Variants in ASIC2 observed in about 807,000 individuals in gnomAD.
The protein encoded by ASIC2 is acid-sensing ion channel 2.
In ASIC2, 25 loss-of-function variants were observed where a neutral mutation model predicts 57.3. That is an observed-to-expected ratio of 0.44 (90% CI 0.32 to 0.61). ASIC2 has a LOEUF of 0.61. Ranked by LOEUF, ASIC2 falls within the 20% of genes least tolerant of loss-of-function variation. ASIC2 has a pLI of 0.06. For synonymous variants in ASIC2, 319 were observed against 307.5 expected, an observed-to-expected ratio of 1.04 and a Z score of -0.39; for missense variants, 641 against 738.1, an observed-to-expected ratio of 0.87 and a Z score of 1.52.
At chr17:33,995,426 G>C (rs1201976901) in intron 1 of ASIC2, among the ~76,000 whole-genome samples, 4 of 151,822 alleles carry the variant, frequency 2.6e-5, no homozygotes, top group African/African-American at 9.7e-5. Flanking sequence ...TCACTCTCTG[G>C]CATGTACCCT....
intron 2 of ASIC2, among the ~76,000 whole-genome samples, chr17:33,096,300 TCC>T (rs2092179294): frequency 1.3e-5 from 2 of 152,140 alleles, no homozygotes; most frequent in African/African-American, 4.8e-5. Flanking sequence ...TTTCCCTCAC[TCC>T]CTGGAGTTAT....
rs1246897533 is a variant in ASIC2, at chr17:33,170,304, C to A, written c.709-58237G>T. Among the ~76,000 whole-genome samples the A allele has an allele frequency of 1.7e-4, 26 of 152,290 alleles. No individual in the cohort carries two copies. In the South Asian group the frequency reaches 4.8e-3, roughly 28 times the overall value. On this transcript the variant is annotated intron_variant, in intron 1 of 9. Transcript: ENST00000225823. ...AGAAGTTTAGATATAAGAAAATCAT[C>A]AGTGATTACTTATATTACAAAAAGA...
chr17:33,134,766 T>C (rs1346394885), intron 1 of ASIC2, among the ~76,000 whole-genome samples: 2 of 152,148 alleles, frequency 1.3e-5, no homozygotes, highest in African/African-American at 4.8e-5. Flanking sequence ...CCATGGCTTG[T>C]GGTGTCAGGA....
Position 33,013,645 on chromosome 17 carries a change from A to C in ASIC2, c.*320T>G. ...CGTGGAGGAGTGTCATGTACAAGAC[A>C]GACGTGGAGGTGGCGCCACAAGAAG... On this transcript the variant is annotated 3_prime_UTR_variant, in exon 10 of 10. Coordinates refer to ENST00000225823, the MANE Select transcript of ASIC2 (RefSeq NM_183377.2). The C allele has an allele frequency of 2.8e-6, 1 of 360,294 alleles. No homozygotes were observed. 22.3% of individuals were successfully genotyped at this position (360,294 alleles called of 1,614,324 possible). A position where few individuals can be genotyped will look rare whatever the true frequency, so the allele number is the denominator to read the frequency against.
At position 33,292,599 on chromosome 17, in the gene ASIC2, C is replaced by T; in HGVS notation, c.-484G>A. ...CGGCCACCATGCCTGATCTGGACAT[C>T]CCCAGGGACCCCACCAGCCCGGCCC... is the stretch of plus-strand genomic sequence containing the variant. On this transcript the variant is annotated 5_prime_UTR_variant, in exon 1 of 10. Coordinates refer to ENST00000225823, the MANE Select transcript of ASIC2 (RefSeq NM_183377.2). 1.0e-6 allele frequency: 1 copy of T among 985,712 alleles called. No individual in the cohort carries two copies. The highest frequency in any genetic ancestry group is 1.2e-6 in the Non-Finnish European group (1 of 830,150). The allele number at this position is 985,712 out of a possible 1,614,324, so 61.1% of individuals were successfully genotyped here.
At position 33,456,283 on chromosome 17, in the gene ASIC2, C is replaced by T. The variant is rs577880469; in HGVS notation, c.556-344216G>A. ...GCTTCATTATTGTTCTGTTTCCTACCCCCTTTATTGTCTTCCTGGGGCTTA... is the reference window on the plus strand; with the variant it reads ...GCTTCATTATTGTTCTGTTTCCTACTCCCTTTATTGTCTTCCTGGGGCTTA... On this transcript the variant is annotated intron_variant, in intron 1 of 9. Coordinates refer to the ASIC2 transcript ENST00000359872. 3.7e-4 allele frequency among the ~76,000 whole-genome samples: 57 copies of T among 152,014 alleles called. 1 individual carries two copies. Among genetic ancestry groups the T allele is most frequent in the Admixed American group, 8.5e-4 (13 of 15,262 alleles).
chr17:33,231,769 T>A (rs16968175), intron 1 of ASIC2, among the ~76,000 whole-genome samples: 323 of 152,196 alleles, frequency 2.1e-3, no homozygotes, highest in African/African-American at 7.4e-3. Context: ...CTGGTTAGGA[T>A]CAAGTCTTGC....
intron 3 of ASIC2, among the ~76,000 whole-genome samples, chr17:33,070,274 A>C (rs893067454): frequency 1.3e-5 from 2 of 152,202 alleles, no homozygotes. Flanking sequence ...AATGTAAATA[A>C]CAAGGAAAAT....
chr17:33,750,726 AT>A (rs1910405354), intron 1 of ASIC2, among the ~76,000 whole-genome samples: 1 of 152,034 alleles, frequency 6.6e-6, no homozygotes, highest in Non-Finnish European at 1.5e-5. Context: ...GCATTGTCTG[AT>A]TGGGCTAGGG....
At chr17:33,431,029 G>C (rs954621020) in intron 1 of ASIC2, among the ~76,000 whole-genome samples, 13 of 152,246 alleles carry the variant, frequency 8.5e-5, no homozygotes, top group East Asian at 3.9e-4. Flanking sequence ...GGATGCAGAG[G>C]GGGGCAGCAA....
At chr17:33,704,482 GTC>G (rs1908803815) in intron 1 of ASIC2, among the ~76,000 whole-genome samples, 1 of 152,122 alleles carries the variant, frequency 6.6e-6, no homozygotes, top group Non-Finnish European at 1.5e-5. Flanking sequence ...CCTGAATTCT[GTC>G]TCTCTCAAGG....
intron 1 of ASIC2, among the ~76,000 whole-genome samples, chr17:33,334,704 C>T (rs1164497413): frequency 6.6e-6 from 1 of 152,174 alleles, no homozygotes; most frequent in African/African-American, 2.4e-5. Context: ...CTCCTCCTTC[C>T]AAGATGAGCA....
chr17:33,797,833 G>T (rs1367281089), intron 1 of ASIC2, among the ~76,000 whole-genome samples: 5 of 152,176 alleles, frequency 3.3e-5, no homozygotes, highest in Non-Finnish European at 7.3e-5. Context: ...AGGGAAGGAG[G>T]TGGGGTTTCT....
chr17:33,538,283 A>G (rs12948250), intron 1 of ASIC2, among the ~76,000 whole-genome samples: 81,640 of 151,966 alleles, frequency 0.54, 21,961 homozygotes, highest in East Asian at 0.6. Context: ...CTCATCGCAT[A>G]CCCCTGTAGG....
chr17:33,166,160 A>T (rs1905300073), intron 1 of ASIC2, among the ~76,000 whole-genome samples: 1 of 152,208 alleles, frequency 6.6e-6, no homozygotes, highest in Non-Finnish European at 1.5e-5. Context: ...TACTTTCCTG[A>T]ATTTACACAA....
chr17:33,252,633 C>T (rs1908924548), intron 1 of ASIC2, among the ~76,000 whole-genome samples: 1 of 152,040 alleles, frequency 6.6e-6, no homozygotes, highest in South Asian at 2.1e-4. Context: ...CAACTTGGTG[C>T]AGCCCCCTCA....
intron 1 of ASIC2, among the ~76,000 whole-genome samples, chr17:33,913,797 A>G (rs1321830359): frequency 6.6e-6 from 1 of 152,224 alleles, no homozygotes; most frequent in East Asian, 1.9e-4. Context: ...CATCACTGTC[A>G]TGTTGTAATT....
intron 1 of ASIC2, among the ~76,000 whole-genome samples, chr17:33,568,563 G>T (rs931329178): frequency 2.0e-5 from 3 of 152,180 alleles, no homozygotes; most frequent in African/African-American, 7.2e-5. Context: ...TCTTAAGTAT[G>T]AAATGACACC....
At chr17:33,443,406 A>ATTTTTT (rs779597047) in intron 1 of ASIC2, among the ~76,000 whole-genome samples, 20 of 75,264 alleles carry the variant, frequency 2.7e-4, no homozygotes, top group African/African-American at 4.4e-4. Flanking sequence ...GGAGGGTAAG[A>ATTTTTT]TTTTTTTTTT....
Sources: allele counts gnomAD v4.1 joint callset (sites outside exome capture counted in the v4.1 genomes callset), GRCh38; gene constraint gnomAD v4.1.1; transcripts MANE v1.5; gene names NCBI Gene and HGNC (gene_info 2026-07-23, HGNC 2026-07-21).